Variants in TOM1L2 observed in about 807,000 individuals in gnomAD.
TOM1L2 encodes TOM1-like protein 2.
Under a neutral mutation model 67.9 loss-of-function variants are expected in TOM1L2, and 31 were observed. The observed-to-expected ratio is 0.46, with a 90% CI of 0.34 to 0.62. The LOEUF is 0.62. TOM1L2 is among the 20% of genes least tolerant of loss of function. The probability of loss-of-function intolerance (pLI) is 0.01; values close to 1 mark genes in which losing one functional copy is unlikely to be tolerated. For synonymous variants in TOM1L2, 256 were observed against 254.0 expected (o/e 1.01, Z -0.07); for missense variants, 606 against 663.5 (o/e 0.91, Z 0.95).
In TOM1L2 at chr17:17,971,503, A is replaced by C. The variant is rs184259774; in HGVS notation, c.52+759T>G. The stretch of plus-strand genomic sequence containing the variant: ...CTCCTATCCCAGTCCCTCCTACAGC[A>C]CAGCTGAGTTGCAGCTCAAATTAGC... On this transcript the variant is annotated intron_variant, in intron 1 of 14. Transcript: ENST00000379504. Among the ~76,000 whole-genome samples the C allele has an allele frequency of 1.6e-3, 244 of 152,164 alleles. 1 individual carries two copies. The highest frequency in any genetic ancestry group is 5.6e-3 in the African/African-American group (231 of 41,536).
At chr17:17,878,255 C>T (rs1484996863) in intron 7 of TOM1L2, among the ~76,000 whole-genome samples, 1 of 152,196 alleles carries the variant, frequency 6.6e-6, no homozygotes, top group Non-Finnish European at 1.5e-5. Context: ...TGGGCTGATG[C>T]AGGTGTGTCA....
intron 12 of TOM1L2, among the ~76,000 whole-genome samples, chr17:17,853,218 A>T (rs746459280): frequency 3.9e-5 from 6 of 152,238 alleles, no homozygotes; most frequent in Non-Finnish European, 8.8e-5. Flanking sequence ...AAGCTTAGAA[A>T]GTCAGCAGCA....
At chr17:17,861,782 G>T in intron 11 of TOM1L2, 1 of 486,940 alleles carries the variant, frequency 2.1e-6, no homozygotes, top group Non-Finnish European at 3.7e-6. Context: ...ACTAATCTCT[G>T]CGATCTCAGA....
At chr17:17,912,524 G>C (rs1389819196) in intron 1 of TOM1L2, among the ~76,000 whole-genome samples, 1 of 151,920 alleles carries the variant, frequency 6.6e-6, no homozygotes. Context: ...CGGCCTGGCA[G>C]AGGCGCTCCT....
At chr17:17,955,128 T>A (rs2041374796) in intron 1 of TOM1L2, among the ~76,000 whole-genome samples, 1 of 152,140 alleles carries the variant, frequency 6.6e-6, no homozygotes, top group Admixed American at 6.5e-5. Context: ...TGGATCTGAT[T>A]TGCCCAGCTG....
chr17:17,912,313 G>A (rs1253240957), intron 1 of TOM1L2, among the ~76,000 whole-genome samples: 3 of 151,852 alleles, frequency 2.0e-5, no homozygotes, highest in Non-Finnish European at 4.4e-5. Context: ...CCCGGACGGG[G>A]TGGCTGCCGG....
At chr17:17,897,625 G>C (rs2038637696) in intron 3 of TOM1L2, among the ~76,000 whole-genome samples, 1 of 152,006 alleles carries the variant, frequency 6.6e-6, no homozygotes, top group African/African-American at 2.4e-5. Flanking sequence ...GCAAAAATCT[G>C]GTCTGTTCCT....
chr17:17,929,934 G>A (rs896223421), intron 1 of TOM1L2, among the ~76,000 whole-genome samples: 8 of 152,198 alleles, frequency 5.3e-5, no homozygotes, highest in Admixed American at 1.3e-4. Context: ...GATGAGTGAG[G>A]TACTACAGAG....
At chr17:17,937,741 T>C (rs549378520) in intron 1 of TOM1L2, among the ~76,000 whole-genome samples, 22 of 152,278 alleles carry the variant, frequency 1.4e-4, no homozygotes, top group Non-Finnish European at 2.4e-4. Flanking sequence ...TAAATGACAC[T>C]AAATAATGCA....
At chr17:17,889,695 A>G (rs531069000) in intron 4 of TOM1L2, among the ~76,000 whole-genome samples, 5 of 152,308 alleles carry the variant, frequency 3.3e-5, no homozygotes, top group African/African-American at 1.2e-4. Flanking sequence ...TCCATAATGG[A>G]AAGGTTAAGG....
At chr17:17,866,525 C>T (rs528482954) in intron 9 of TOM1L2, 106 bp from the exon 10 acceptor site, 150 of 1,400,780 alleles carry the variant, frequency 1.1e-4, no homozygotes, top group South Asian at 7.9e-4. Context: ...AAAGTATCAG[C>T]GCTGCTCTAG....
At chr17:17,878,050 C>T (rs1390551844) in intron 7 of TOM1L2, among the ~76,000 whole-genome samples, 1 of 152,248 alleles carries the variant, frequency 6.6e-6, no homozygotes, top group Non-Finnish European at 1.5e-5. Context: ...AATTCCGACG[C>T]TGACACAGCA....
At chr17:17,867,019 C>A in intron 8 of TOM1L2, 95 bp from the exon 9 acceptor site, 48 of 1,165,198 alleles carry the variant, frequency 4.1e-5, no homozygotes, top group Admixed American at 1.8e-4. Flanking sequence ...TCCCTGGGAC[C>A]AAGACCAGCC....
chr17:17,854,506 T>G (rs975422265), intron 12 of TOM1L2, among the ~76,000 whole-genome samples: 1 of 151,860 alleles, frequency 6.6e-6, no homozygotes, highest in Non-Finnish European at 1.5e-5. Flanking sequence ...TTTTTATTTA[T>G]TTATTTAGTT....
intron 4 of TOM1L2, among the ~76,000 whole-genome samples, chr17:17,886,837 G>T (rs1568170396): frequency 6.6e-6 from 1 of 152,248 alleles, no homozygotes; most frequent in Non-Finnish European, 1.5e-5. Context: ...AGACAGACTG[G>T]AGTGGGAGGG....
chr17:17,926,495 T>C (rs1309280244), intron 1 of TOM1L2, among the ~76,000 whole-genome samples: 1 of 152,170 alleles, frequency 6.6e-6, no homozygotes, highest in African/African-American at 2.4e-5. Context: ...TCTGGGAAAT[T>C]ACTCCTATTC....
chr17:17,939,039 C>T (rs1005712164), intron 1 of TOM1L2, among the ~76,000 whole-genome samples: 41 of 152,144 alleles, frequency 2.7e-4, no homozygotes, highest in Admixed American at 3.3e-4. Context: ...TATAATGCAG[C>T]TACTCAGTAA....
At chr17:17,955,466 G>A (rs1416102284) in intron 1 of TOM1L2, among the ~76,000 whole-genome samples, 2 of 150,414 alleles carry the variant, frequency 1.3e-5, no homozygotes, top group African/African-American at 2.5e-5. Flanking sequence ...CATCTCCCAC[G>A]TAGCTGGGAT....
intron 7 of TOM1L2, among the ~76,000 whole-genome samples, chr17:17,872,932 C>G (rs2037226080): frequency 6.6e-6 from 1 of 152,212 alleles, no homozygotes; most frequent in Non-Finnish European, 1.5e-5. Flanking sequence ...ACGTGCAAGT[C>G]AGGGGAGTGT....
Sources: gnomAD v4.1 joint callset for allele counts (sites outside exome capture counted in the v4.1 genomes callset) on GRCh38, gnomAD v4.1.1 for gene constraint, MANE v1.5 for transcripts, NCBI Gene and HGNC (gene_info 2026-07-23, HGNC 2026-07-21) for gene names.